Variants in MGAT3 observed in about 807,000 individuals in gnomAD.
MGAT3 encodes the protein GlcNAc-T III.
MGAT3 carries 9 observed loss-of-function variants against 29.8 expected under a neutral mutation model. The ratio of observed to expected loss-of-function variants is 0.30; its 90% CI spans 0.18 to 0.53. MGAT3 has a LOEUF of 0.53. Ranked by LOEUF, MGAT3 falls within the 20% of genes least tolerant of loss-of-function variation. The probability of loss-of-function intolerance (pLI) is 0.96; values close to 1 mark genes in which losing one functional copy is unlikely to be tolerated. For synonymous variants in MGAT3, 397 were observed against 348.9 expected (o/e 1.14, Z -1.54); for missense variants, 557 against 769.5 (o/e 0.72, Z 3.27).
rs1929319506 is a variant in MGAT3, at chr22:39,487,699, T to C, written c.352T>C (p.Phe118Leu). 1 of 1,586,312 alleles carries C rather than the reference T, an allele frequency of 6.3e-7. No homozygotes were observed. Among genetic ancestry groups the C allele is most frequent in the Non-Finnish European group, 8.6e-7 (1 of 1,166,574 alleles). Residue 118 changes from phenylalanine to leucine, a missense_variant, in exon 2 of 2, where the codon TTC (phenylalanine) becomes CTC (leucine). By Grantham distance (22) the Phe-to-Leu change is conservative (BLOSUM62 0). Around this residue, in one of 3 missense-constraint regions of MGAT3, gnomAD observed 212 missense variants for 228.5 expected, o/e 0.93. Transcript: ENST00000341184. The surrounding 1 kb of genome is among the most constrained non-coding windows in gnomAD (Gnocchi z 5.7). ...FVRTKAGGVC[F>L]KPGTKMLERP... is the part of the protein sequence containing the mutation. Reference sequence around the variant, plus strand: ...GCGCACCAAGGCCGGCGGCGTCTGCTTCAAACCCGGCACCAAGATGCTGGA... The same window carrying C: ...GCGCACCAAGGCCGGCGGCGTCTGCCTCAAACCCGGCACCAAGATGCTGGA...
intron 1 of MGAT3, among the ~76,000 whole-genome samples, chr22:39,458,439 C>T (rs1476531822): frequency 6.6e-6 from 1 of 152,096 alleles, no homozygotes; most frequent in African/African-American, 2.4e-5. Flanking sequence ...CTGGGACACA[C>T]CAGTCCAGAT....
intron 1 of MGAT3, among the ~76,000 whole-genome samples, chr22:39,484,463 C>T (rs567494111): frequency 9.9e-5 from 15 of 152,130 alleles, no homozygotes; most frequent in Non-Finnish European, 1.8e-4. Context: ...ACCCCCACGT[C>T]CCTGGTTCAA....
In MGAT3 at chr22:39,468,194, G is replaced by A. The variant is rs114558903; in HGVS notation, c.-2+10637G>A. Reference sequence around the variant, plus strand: ...CTGTCAGGACCACCCCCAGCAGGAAGCTAACTGATGCTCAGGTTCCCAGAT... The same window carrying A: ...CTGTCAGGACCACCCCCAGCAGGAAACTAACTGATGCTCAGGTTCCCAGAT... On this transcript the variant is annotated intron_variant, in intron 1 of 1. Transcript: ENST00000341184. Among the ~76,000 whole-genome samples the A allele has an allele frequency of 2.1e-3, 314 of 152,332 alleles. 1 individual carries two copies. The highest frequency in any genetic ancestry group is 7.1e-3 in the African/African-American group (295 of 41,570).
intron 1 of MGAT3, among the ~76,000 whole-genome samples, chr22:39,482,810 C>T (rs1929164404): frequency 6.6e-6 from 1 of 152,080 alleles, no homozygotes; most frequent in South Asian, 2.1e-4. Flanking sequence ...GGAAACATGC[C>T]CAGATCCTTG....
In MGAT3 at chr22:39,488,758, G is replaced by C. The variant is rs369995022; in HGVS notation, c.1411G>C (p.Glu471Gln). The change falls in exon 2 of 2, where the codon GAG becomes CAG. Residue 471 changes from glutamate to glutamine, a missense_variant. Transcript: ENST00000341184. Reference sequence around the variant, plus strand: ...GGGCTGGTTCGACGGCACGCAGCAGGAGTACCCGCCTGCAGACCCCAGCGA... The same window carrying C: ...GGGCTGGTTCGACGGCACGCAGCAGCAGTACCCGCCTGCAGACCCCAGCGA... ...TGGWFDGTQQEYPPADPSEHM... is the reference protein window; with the variant it reads ...TGGWFDGTQQQYPPADPSEHM... 30 of 1,612,530 alleles carry C rather than the reference G, an allele frequency of 1.9e-5. No individual in the cohort carries two copies. The highest frequency in any genetic ancestry group is 2.4e-5 in the Non-Finnish European group (28 of 1,179,456).
At position 39,475,123 on chromosome 22, in the gene MGAT3, C is replaced by T. The variant is rs572323506; in HGVS notation, c.-1-12224C>T. Among the ~76,000 whole-genome samples the T allele has an allele frequency of 5.8e-4, 74 of 126,690 alleles. 1 individual carries two copies. The East Asian group carries it at 0.016, about 28-fold the overall frequency. The allele number at this position is 126,690 out of a possible 152,430, so 83.1% of individuals were successfully genotyped here. A position where few individuals can be genotyped will look rare whatever the true frequency, so the allele number is the denominator to read the frequency against. On this transcript the variant is annotated intron_variant, in intron 1 of 1. Coordinates refer to ENST00000341184, the MANE Select transcript of MGAT3 (RefSeq NM_002409.5). Reference sequence around the variant, plus strand: ...AGGGATGAATTCACAGCAGGGCTTGCCAGGCTTTTTTTTTTTTTTTTTTTT... The same window carrying T: ...AGGGATGAATTCACAGCAGGGCTTGTCAGGCTTTTTTTTTTTTTTTTTTTT...
chr22:39,482,781 TAGC>T (rs1301364972), intron 1 of MGAT3, among the ~76,000 whole-genome samples: 2 of 152,224 alleles, frequency 1.3e-5, no homozygotes, highest in Admixed American at 6.5e-5. Context: ...CTGAGCCTCC[TAGC>T]AGCCTGAGTG....
rs1929401832 is a variant in MGAT3, at chr22:39,489,788, A to C, written c.*839A>C. 1 of 167,288 alleles carries C rather than the reference A, an allele frequency of 6.0e-6. No homozygotes were observed. 10.4% of individuals were successfully genotyped at this position (167,288 alleles called of 1,614,324 possible). ...AGTTGTAGGTGTGGCCTTGAGGGGG[A>C]AGTGGGGAGGAGAAGACTGACATGA... On this transcript the variant is annotated 3_prime_UTR_variant, in exon 2 of 2. Coordinates refer to ENST00000341184, the MANE Select transcript of MGAT3 (RefSeq NM_002409.5).
chr22:39,461,970 C>T (rs1297603205), intron 1 of MGAT3, among the ~76,000 whole-genome samples: 5 of 151,600 alleles, frequency 3.3e-5, no homozygotes, highest in Non-Finnish European at 7.4e-5. Flanking sequence ...GGCATGATCT[C>T]GGCTCACTGC....
Position 39,457,110 on chromosome 22 carries a change from G to T in MGAT3, c.-449G>T, listed in dbSNP as rs1032672144. Among the ~76,000 whole-genome samples, 2 of 146,192 alleles carry T rather than the reference G, an allele frequency of 1.4e-5. No homozygotes were observed. The highest frequency in any genetic ancestry group is 4.9e-5 in the African/African-American group (2 of 40,740). ...GAGTCTGCGGTGCGAGGCGCCCCCG[G>T]CCCGGCGCGGCGGCGGAGCCCGGCT... On this transcript the variant is annotated 5_prime_UTR_variant, in exon 1 of 2. Transcript: ENST00000341184. The surrounding 1 kb of genome is among the most constrained non-coding windows in gnomAD (Gnocchi z 6.8).
chr22:39,485,459 T>G (rs1929244408), intron 1 of MGAT3, among the ~76,000 whole-genome samples: 7 of 152,148 alleles, frequency 4.6e-5, no homozygotes, highest in Non-Finnish European at 1.5e-5. Flanking sequence ...GTGCTGTCTT[T>G]GCACCTTTTC....
At chr22:39,463,512 C>T (rs1175873658) in intron 1 of MGAT3, among the ~76,000 whole-genome samples, 1 of 152,228 alleles carries the variant, frequency 6.6e-6, no homozygotes, top group Non-Finnish European at 1.5e-5. Context: ...GGCCCTGTCT[C>T]TGGAACGCCT....
rs144473615 is a variant in MGAT3 at position 39,486,949 on chromosome 22, A to T, written c.-1-398A>T. Reference sequence around the variant, plus strand: ...GACAGGACCCAGGAGGGCAGCCTACAGCCTGCTCTCCCCGTTCTGTCCTGG... The same window carrying T: ...GACAGGACCCAGGAGGGCAGCCTACTGCCTGCTCTCCCCGTTCTGTCCTGG... On this transcript the variant is annotated intron_variant, in intron 1 of 1. Transcript: ENST00000341184. 9.8e-4 allele frequency among the ~76,000 whole-genome samples: 150 copies of T among 152,334 alleles called. 1 individual carries two copies. The East Asian group carries it at 0.025, about 25-fold the overall frequency.
intron 1 of MGAT3, among the ~76,000 whole-genome samples, chr22:39,475,021 C>T (rs964130009): frequency 1.1e-4 from 16 of 151,894 alleles, no homozygotes; most frequent in African/African-American, 3.9e-4. Flanking sequence ...GTCAGAGAGG[C>T]CTGGGTTCTG....
intron 1 of MGAT3, chr22:39,477,646 C>T (rs753845553): frequency 3.3e-5 from 5 of 152,166 alleles, no homozygotes; most frequent in Non-Finnish European, 7.3e-5. Context: ...AGGTCTCCCA[C>T]AGGACTGCAA....
At chr22:39,463,893 C>T (rs186667982) in intron 1 of MGAT3, among the ~76,000 whole-genome samples, 73 of 151,776 alleles carry the variant, frequency 4.8e-4, no homozygotes, top group African/African-American at 1.7e-3. Context: ...CCAGCCTGAG[C>T]GACAGAGCAA....
intron 1 of MGAT3, chr22:39,486,040 A>G: frequency 3.0e-6 from 1 of 330,016 alleles, no homozygotes; most frequent in Non-Finnish European, 5.9e-6. Flanking sequence ...TCATTGATTG[A>G]GGAAAACAAC....
At chr22:39,476,090 C>T (rs1928952917) in intron 1 of MGAT3, among the ~76,000 whole-genome samples, 1 of 152,082 alleles carries the variant, frequency 6.6e-6, no homozygotes. Context: ...CACTTGCCGG[C>T]CACTCCGTGG....
intron 1 of MGAT3, among the ~76,000 whole-genome samples, chr22:39,458,540 A>G (rs1420303221): frequency 1.3e-5 from 2 of 151,930 alleles, no homozygotes; most frequent in Non-Finnish European, 2.9e-5. Context: ...CAGCAGAAGG[A>G]TGGAGGGGAG....
Sources: gnomAD v4.1 joint callset for allele counts (sites outside exome capture counted in the v4.1 genomes callset) on GRCh38, gnomAD v4.1.1 for gene constraint, gnomAD v4.1.1 regional missense constraint, Gnocchi (gnomAD v3.1) non-coding constraint, MANE v1.5 for transcripts, NCBI Gene and HGNC (gene_info 2026-07-23, HGNC 2026-07-21) for gene names.